PTPRA: variants seen among roughly 807,000 people sequenced by gnomAD.
PTPRA encodes protein tyrosine phosphatase receptor type A, also known as receptor-type tyrosine-protein phosphatase alpha.
In PTPRA, 25 loss-of-function variants were observed where a neutral mutation model predicts 104.8. The observed-to-expected ratio is 0.24, with a 90% CI of 0.17 to 0.33. The LOEUF is 0.33. Among genes scored for constraint, PTPRA ranks in the 10% least tolerant of loss-of-function variants. The pLI is 1.00. For missense variants in PTPRA, 765 were observed against 1,015.3 expected, an observed-to-expected ratio of 0.75 and a Z score of 3.35; for synonymous variants, 323 against 368.9, an observed-to-expected ratio of 0.88 and a Z score of 1.43.
intron 3 of PTPRA, among the ~76,000 whole-genome samples, chr20:2,954,935 C>G (rs1273715011): frequency 6.6e-6 from 1 of 152,062 alleles, no homozygotes; most frequent in Admixed American, 6.6e-5. Flanking sequence ...TTCTGAGTAC[C>G]ATTTGATGAA....
At chr20:2,946,073 G>A (rs898697875) in intron 2 of PTPRA, among the ~76,000 whole-genome samples, 2 of 152,004 alleles carry the variant, frequency 1.3e-5, no homozygotes, top group Non-Finnish European at 2.9e-5. Flanking sequence ...ACTACACAGG[G>A]GATAAGAATG....
chr20:2,953,545 G>A (rs974121112), intron 3 of PTPRA, among the ~76,000 whole-genome samples: 3 of 151,852 alleles, frequency 2.0e-5, no homozygotes, highest in Non-Finnish European at 2.9e-5. Flanking sequence ...GAGCCACTAT[G>A]CCTGGCCATT....
chr20:2,963,938 G>A (rs1012189475), intron 3 of PTPRA, among the ~76,000 whole-genome samples: 1 of 152,086 alleles, frequency 6.6e-6, no homozygotes, highest in Non-Finnish European at 1.5e-5. Context: ...TACTCAGGAG[G>A]CTGAGACAGA....
intron 9 of PTPRA, among the ~76,000 whole-genome samples, chr20:2,992,534 CA>C (rs1568685426): frequency 2.0e-5 from 3 of 151,884 alleles, no homozygotes; most frequent in Non-Finnish European, 4.4e-5. Context: ...ACAAAACAAA[CA>C]AAAAAACCCC....
At chr20:2,988,188 AT>A in intron 8 of PTPRA, 83 bp downstream of exon 8, 1 of 1,513,022 alleles carries the variant, frequency 6.6e-7, no homozygotes. Flanking sequence ...TTTTAAAAGA[AT>A]AAGACAATAA....
At position 2,931,938 on chromosome 20, in the gene PTPRA, A is replaced by ATGAC. The variant is rs757477676; in HGVS notation, c.-50+8666_-50+8669dup. Among the ~76,000 whole-genome samples, 332 of 152,326 alleles carry ATGAC rather than the reference A, an allele frequency of 2.2e-3. 1 individual carries two copies. Among genetic ancestry groups the ATGAC allele is most frequent in the African/African-American group, 7.3e-3 (305 of 41,558 alleles). ...TGGCTTTTCAATGGAAGTCTGTTGAATGACTGACTGACTGACCGACTTGGA... is the reference window on the plus strand; with the variant it reads ...TGGCTTTTCAATGGAAGTCTGTTGAATGACTGACTGACTGACTGACCGACTTGGA... On this transcript the variant is annotated intron_variant, in intron 2 of 23. Coordinates refer to ENST00000399903, the MANE Select transcript of PTPRA (RefSeq NM_001385305.1).
At chr20:2,872,590 T>C (rs893819547), upstream of PTPRA, among the ~76,000 whole-genome samples, 4 of 152,200 alleles carry the variant, frequency 2.6e-5, no homozygotes, top group Admixed American at 2.0e-4. The surrounding 1 kb of genome is among the most constrained non-coding windows in gnomAD (Gnocchi z 7.9). Context: ...ACCACCTATC[T>C]CGACTGCGTA....
intron 3 of PTPRA, among the ~76,000 whole-genome samples, chr20:2,963,828 C>T (rs1241716199): frequency 6.6e-6 from 1 of 151,950 alleles, no homozygotes; most frequent in Non-Finnish European, 1.5e-5. Context: ...CAGTTGAACC[C>T]AAGAGTTTGA....
At chr20:3,010,305 T>C (rs2148338856) in intron 11 of PTPRA, among the ~76,000 whole-genome samples, 1 of 152,072 alleles carries the variant, frequency 6.6e-6, no homozygotes, top group East Asian at 1.9e-4. Flanking sequence ...GGCCACAAGA[T>C]GGCTGCAGCA....
At chr20:2,893,242 A>G (rs1367951805) in intron 1 of PTPRA, among the ~76,000 whole-genome samples, 2 of 152,224 alleles carry the variant, frequency 1.3e-5, no homozygotes, top group African/African-American at 4.8e-5. Flanking sequence ...ATTTACTCCA[A>G]TAGAACCATA....
intron 2 of PTPRA, among the ~76,000 whole-genome samples, chr20:2,924,900 C>G (rs1048986646): frequency 6.6e-6 from 1 of 152,024 alleles, no homozygotes; most frequent in Admixed American, 6.6e-5. Context: ...AGGATGGTCT[C>G]GATTGCCCAA....
At chr20:2,954,053 G>A (rs1242515208) in intron 3 of PTPRA, among the ~76,000 whole-genome samples, 1 of 150,682 alleles carries the variant, frequency 6.6e-6, no homozygotes, top group East Asian at 1.9e-4. Context: ...ACGTCTACAG[G>A]CATGTGCCAC....
intron 3 of PTPRA, among the ~76,000 whole-genome samples, chr20:2,961,597 G>T (rs2061757527): frequency 6.6e-6 from 1 of 152,142 alleles, no homozygotes; most frequent in Non-Finnish European, 1.5e-5. Flanking sequence ...GTCTTTCACA[G>T]AGTAGACATT....
chr20:2,995,521 T>G (rs937271830), intron 9 of PTPRA, among the ~76,000 whole-genome samples: 7 of 152,212 alleles, frequency 4.6e-5, no homozygotes, highest in Admixed American at 1.3e-4. Context: ...TGGGGCAGTT[T>G]TCATCATGAC....
At chr20:2,965,261 T>C in intron 5 of PTPRA, 59 bp downstream of exon 5, 3 of 1,452,250 alleles carry the variant, frequency 2.1e-6, no homozygotes, top group Non-Finnish European at 2.8e-6. Context: ...CCTTTTATTA[T>C]CTTGTTTGTG....
rs2148543854 is a variant in PTPRA at position 3,038,219 on chromosome 20, A to G, written c.*86A>G. The G allele has an allele frequency of 2.3e-6, 3 of 1,302,342 alleles. No homozygotes were observed. Among genetic ancestry groups the G allele is most frequent in the South Asian group, 1.3e-5 (1 of 79,738 alleles). 80.7% of individuals were successfully genotyped at this position (1,302,342 alleles called of 1,614,324 possible). On this transcript the variant is annotated 3_prime_UTR_variant, in exon 24 of 24. Coordinates refer to ENST00000399903, the MANE Select transcript of PTPRA (RefSeq NM_001385305.1). ...TGTTAATATACCCCAAATTGTGTAT[A>G]TATCTTATAACTGTTTTAGAAATTG...
chr20:2,986,718 TC>T, intron 6 of PTPRA, 46 bp from the exon 7 acceptor site: 1 of 1,520,364 alleles, frequency 6.6e-7, no homozygotes, highest in Middle Eastern at 1.7e-4. Context: ...ACTTAAGCCC[TC>T]CATTGCACAA....
chr20:3,025,452 C>CAAAA (rs11087563), intron 17 of PTPRA, among the ~76,000 whole-genome samples: 1 of 108,466 alleles, frequency 9.2e-6, no homozygotes, highest in African/African-American at 3.3e-5. Flanking sequence ...GACTCCATCT[C>CAAAA]AAAAAAAAAA....
intron 9 of PTPRA, among the ~76,000 whole-genome samples, chr20:3,003,629 G>T (rs560893296): frequency 6.6e-6 from 1 of 151,888 alleles, no homozygotes; most frequent in East Asian, 1.9e-4. Context: ...TGAACTCCTG[G>T]GCTGAAGTGT....
Sources: gnomAD v4.1 joint callset for allele counts (sites outside exome capture counted in the v4.1 genomes callset) on GRCh38, gnomAD v4.1.1 for gene constraint, Gnocchi (gnomAD v3.1) non-coding constraint, MANE v1.5 for transcripts, NCBI Gene and HGNC (gene_info 2026-07-23, HGNC 2026-07-21) for gene names.